The following AUTS2 variants were observed in gnomAD, a reference collection of about 807,000 sequenced individuals.
AUTS2 encodes activator of transcription and developmental regulator AUTS2, also known as autism susceptibility gene 2 protein.
Under a neutral mutation model 112.4 loss-of-function variants are expected in AUTS2, and 17 were observed. That is an observed-to-expected ratio of 0.15 (90% CI 0.10 to 0.23). The LOEUF (loss-of-function observed/expected upper bound fraction) is 0.23, where lower values mean the gene tolerates loss of function less well. Ranked by LOEUF, AUTS2 falls within the 10% of genes least tolerant of loss-of-function variation. The probability of loss-of-function intolerance (pLI) is 1.00; values close to 1 mark genes in which losing one functional copy is unlikely to be tolerated. For missense variants in AUTS2, 1,510 were observed against 1,701.6 expected (o/e 0.89, Z 1.98); for synonymous variants, 751 against 702.7 (o/e 1.07, Z -1.09).
chr7:70,476,412 A>G (rs1797585369), intron 5 of AUTS2, among the ~76,000 whole-genome samples: 1 of 152,142 alleles, frequency 6.6e-6, no homozygotes, highest in Admixed American at 6.5e-5. Flanking sequence ...AGGATTAACC[A>G]TATTGTTCAC....
chr7:70,511,556 A>ATTGTCTT (rs1563005631), intron 5 of AUTS2, among the ~76,000 whole-genome samples: 2 of 41,766 alleles, frequency 4.8e-5, no homozygotes, highest in Non-Finnish European at 5.2e-5. Context: ...ACTTTTTTTC[A>ATTGTCTT]TTTTCTTTTT....
At chr7:69,813,610 A>G (rs577486647) in intron 1 of AUTS2, among the ~76,000 whole-genome samples, 15 of 152,330 alleles carry the variant, frequency 9.8e-5, no homozygotes, top group East Asian at 1.9e-4. Context: ...GTGCTTGGCA[A>G]TGAGTCTTGT....
chr7:69,983,285 G>A (rs746317195), intron 2 of AUTS2, among the ~76,000 whole-genome samples: 4 of 150,644 alleles, frequency 2.7e-5, no homozygotes, highest in Admixed American at 2.0e-4. Context: ...CAATCTCTGT[G>A]GGGTTTTATT....
Position 70,232,814 on chromosome 7 carries a change from A to T in AUTS2, c.660+98243A>T, listed in dbSNP as rs1812127334. ...TCCATTTCTATTTTTAGAAAAAGTC[A>T]AAGGCCTGTATTTAATAATTACTCT... On this transcript the variant is annotated intron_variant, in intron 4 of 18. Coordinates refer to ENST00000342771, the MANE Select transcript of AUTS2 (RefSeq NM_015570.4). Among the ~76,000 whole-genome samples the T allele has an allele frequency of 2.6e-5, 4 of 152,310 alleles. No individual in the cohort carries two copies. In the South Asian group the frequency reaches 8.3e-4, roughly 32 times the overall value.
chr7:70,438,058 C>T (rs1228765257), intron 5 of AUTS2, among the ~76,000 whole-genome samples: 1 of 151,976 alleles, frequency 6.6e-6, no homozygotes, highest in East Asian at 1.9e-4. Flanking sequence ...CTGTCTTGAA[C>T]CATGGGTCTT....
At position 69,599,732 on chromosome 7, in the gene AUTS2, C is replaced by T; in HGVS notation, c.79C>T (p.Arg27Trp). Residue 27 changes from arginine to tryptophan, a missense_variant, in exon 1 of 19, where the codon CGG becomes TGG. Coordinates refer to ENST00000342771, the MANE Select transcript of AUTS2 (RefSeq NM_015570.4). The surrounding 1 kb of genome is among the most constrained non-coding windows in gnomAD (Gnocchi z 7.0). Reference sequence around the variant, plus strand: ...GCAGCGAGACCGGGAGAGGCGCTCCCGGGGCGGGCTGGGGGCCGGCGCGGC... The same window carrying T: ...GCAGCGAGACCGGGAGAGGCGCTCCTGGGGCGGGCTGGGGGCCGGCGCGGC... Reference protein sequence around the residue: ...RSQRDRERRSRGGLGAGAAGG... With the variant: ...RSQRDRERRSWGGLGAGAAGG... 7.5e-7 allele frequency: 1 copy of T among 1,325,452 alleles called. No individual in the cohort carries two copies. The highest frequency in any genetic ancestry group is 9.6e-7 in the Non-Finnish European group (1 of 1,043,180). The allele number at this position is 1,325,452 out of a possible 1,614,324, so 82.1% of individuals were successfully genotyped here.
At position 70,283,354 on chromosome 7, in the gene AUTS2, T is replaced by C. The variant is rs549430462; in HGVS notation, c.660+148783T>C. Among the ~76,000 whole-genome samples the C allele has an allele frequency of 3.3e-5, 5 of 152,322 alleles. No individual in the cohort carries two copies. The East Asian group carries it at 9.6e-4, about 29-fold the overall frequency. ...GTTGTGGTAATAAAACCATATTTCATTGAATTAAAAGTGCCATCACTTGCA... is the reference window on the plus strand; with the variant it reads ...GTTGTGGTAATAAAACCATATTTCACTGAATTAAAAGTGCCATCACTTGCA... On this transcript the variant is annotated intron_variant, in intron 4 of 18. Transcript: ENST00000342771.
intron 4 of AUTS2, among the ~76,000 whole-genome samples, chr7:70,276,824 T>C (rs917297917): frequency 1.3e-5 from 2 of 152,168 alleles, no homozygotes; most frequent in African/African-American, 4.8e-5. Context: ...GATAGAGTCA[T>C]GTGTCATAAG....
At chr7:70,014,021 A>T (rs1799920446) in intron 2 of AUTS2, among the ~76,000 whole-genome samples, 1 of 152,182 alleles carries the variant, frequency 6.6e-6, no homozygotes, top group Non-Finnish European at 1.5e-5. Context: ...CGGCCTCATC[A>T]GTTATTTTTT....
intron 2 of AUTS2, among the ~76,000 whole-genome samples, chr7:69,969,882 C>A (rs1040826509): frequency 3.9e-5 from 6 of 152,130 alleles, no homozygotes; most frequent in African/African-American, 1.4e-4. Flanking sequence ...CACACAATCT[C>A]TTCAATATCC....
rs908212082 is a variant in AUTS2, at chr7:70,793,100, G to GC, written c.*2104_*2105insC. ...CGCTTGTGGTTTGTTTTTTGAGGAGGGGGGGTTCTGTTAGTTTTTCGTATG... is the reference window on the plus strand; with the variant it reads ...CGCTTGTGGTTTGTTTTTTGAGGAGGCGGGGGTTCTGTTAGTTTTTCGTATG... On this transcript the variant is annotated 3_prime_UTR_variant, in exon 19 of 19. Transcript: ENST00000342771. 2.6e-5 allele frequency: 4 copies of GC among 151,946 alleles called. No individual in the cohort carries two copies. Among genetic ancestry groups the GC allele is most frequent in the African/African-American group, 9.7e-5 (4 of 41,300 alleles). 9.4% of individuals were successfully genotyped at this position (151,946 alleles called of 1,614,324 possible). A position where few individuals can be genotyped will look rare whatever the true frequency, so the allele number is the denominator to read the frequency against.
At position 70,459,856 on chromosome 7, in the gene AUTS2, T is replaced by C. The variant is rs547944023; in HGVS notation, c.690+24075T>C. On this transcript the variant is annotated intron_variant, in intron 5 of 18. Coordinates refer to ENST00000342771, the MANE Select transcript of AUTS2 (RefSeq NM_015570.4). ...AGCCAAGGACAACAGAGCCAGACTG[T>C]GGGGCAGAGGGTCTCATGGTCCTCA... Among the ~76,000 whole-genome samples, 9 of 152,238 alleles carry C rather than the reference T, an allele frequency of 5.9e-5. No homozygotes were observed. In the South Asian group the frequency reaches 8.3e-4, roughly 14 times the overall value.
At chr7:70,462,131 A>G (rs1796990255) in intron 5 of AUTS2, among the ~76,000 whole-genome samples, 1 of 152,152 alleles carries the variant, frequency 6.6e-6, no homozygotes, top group South Asian at 2.1e-4. Context: ...ATGCGTCTGT[A>G]GTCCCAGCTA....
chr7:70,781,447 G>T, intron 14 of AUTS2, 168 bp from the exon 15 acceptor site: 1 of 709,144 alleles, frequency 1.4e-6, no homozygotes, highest in Non-Finnish European at 2.2e-6. Context: ...CCGGCCTGCA[G>T]ATCTGACATT....
intron 1 of AUTS2, among the ~76,000 whole-genome samples, chr7:69,680,237 G>A (rs1796731518): frequency 6.6e-6 from 1 of 152,204 alleles, no homozygotes; most frequent in South Asian, 2.1e-4. Flanking sequence ...GAATACTTAA[G>A]TATGGTTACA....
intron 1 of AUTS2, among the ~76,000 whole-genome samples, chr7:69,875,919 G>T (rs951161805): frequency 2.0e-5 from 3 of 152,014 alleles, no homozygotes; most frequent in African/African-American, 7.2e-5. Context: ...TTCACAAATG[G>T]TTGTTCCTAT....
intron 5 of AUTS2, among the ~76,000 whole-genome samples, chr7:70,663,224 G>T (rs527678004): frequency 1.2e-4 from 18 of 152,102 alleles, no homozygotes; most frequent in Non-Finnish European, 2.5e-4. Context: ...ATGAAACCCC[G>T]TCTCTACTAA....
intron 5 of AUTS2, among the ~76,000 whole-genome samples, chr7:70,511,111 A>G (rs1799164829): frequency 6.6e-6 from 1 of 152,122 alleles, no homozygotes; most frequent in Non-Finnish European, 1.5e-5. Context: ...AGCCTCCCAA[A>G]GTGCTGGGAT....
At chr7:69,659,588 T>G (rs1484870343) in intron 1 of AUTS2, among the ~76,000 whole-genome samples, 1 of 143,582 alleles carries the variant, frequency 7.0e-6, no homozygotes, top group Admixed American at 6.9e-5. Context: ...TAGTTGTTTT[T>G]TTTTTTTTTT....
Sources: gnomAD v4.1 joint callset for allele counts (sites outside exome capture counted in the v4.1 genomes callset) on GRCh38, gnomAD v4.1.1 for gene constraint, Gnocchi (gnomAD v3.1) non-coding constraint, MANE v1.5 for transcripts, NCBI Gene and HGNC (gene_info 2026-07-23, HGNC 2026-07-21) for gene names.